Variants in SMG6 observed in about 807,000 individuals in gnomAD.
The protein encoded by SMG6 is telomerase-binding protein EST1A.
A neutral mutation model predicts 142.2 loss-of-function variants in SMG6; 66 were observed. The ratio of observed to expected loss-of-function variants is 0.46; its 90% confidence interval spans 0.38 to 0.57. SMG6 has a LOEUF of 0.57. Ranked by LOEUF, SMG6 falls within the 20% of genes least tolerant of loss-of-function variation. SMG6 has a pLI of 0.00. For synonymous variants in SMG6, 779 were observed against 702.4 expected (o/e 1.11, Z -1.72); for missense variants, 1,793 against 1,832.0 (o/e 0.98, Z 0.39).
At chr17:2,246,404 C>G (rs1254024879) in intron 8 of SMG6, among the ~76,000 whole-genome samples, 1 of 152,202 alleles carries the variant, frequency 6.6e-6, no homozygotes, top group Non-Finnish European at 1.5e-5. Flanking sequence ...AATCCTCTGA[C>G]AAAACAGAAC....
chr17:2,142,232 T>C (rs984693860), intron 13 of SMG6, among the ~76,000 whole-genome samples: 2 of 152,232 alleles, frequency 1.3e-5, no homozygotes, highest in African/African-American at 2.4e-5. Flanking sequence ...ACCAGATTAA[T>C]TGGACTTCGT....
intron 6 of SMG6, among the ~76,000 whole-genome samples, chr17:2,291,300 C>T (rs1428901123): frequency 6.6e-6 from 1 of 151,218 alleles, no homozygotes; most frequent in Admixed American, 6.6e-5. Context: ...CACTGCACTC[C>T]AGCCTGAGCG....
Position 2,290,491 on chromosome 17 carries a change from TA to T in SMG6, c.2337+2060del, listed in dbSNP as rs551943155. Among the ~76,000 whole-genome samples, 85 of 152,262 alleles carry T rather than the reference TA, an allele frequency of 5.6e-4. 1 individual carries two copies. In the South Asian group the frequency reaches 0.017, roughly 31 times the overall value. On this transcript the variant is annotated intron_variant, in intron 6 of 18. Coordinates refer to ENST00000263073, the MANE Select transcript of SMG6 (RefSeq NM_017575.5). Reference sequence around the variant, plus strand: ...GTATTACAGACTTAAATGTAAAACATAAAACTATACAACTGCTAGAAAATAA... The same window carrying T: ...GTATTACAGACTTAAATGTAAAACATAAACTATACAACTGCTAGAAAATAA...
chr17:2,295,599 G>A (rs1347789952), intron 4 of SMG6, among the ~76,000 whole-genome samples: 2 of 152,010 alleles, frequency 1.3e-5, no homozygotes, highest in Non-Finnish European at 2.9e-5. Flanking sequence ...CAGCTCCATT[G>A]CACTTGACAA....
intron 12 of SMG6, among the ~76,000 whole-genome samples, chr17:2,186,089 G>A (rs1388109873): frequency 3.9e-5 from 6 of 151,904 alleles, no homozygotes; most frequent in Non-Finnish European, 7.4e-5. Flanking sequence ...TGAGCCAGGC[G>A]TGGTGGTGTG....
chr17:2,290,388 C>G (rs1476607225), intron 6 of SMG6, among the ~76,000 whole-genome samples: 1 of 152,184 alleles, frequency 6.6e-6, no homozygotes, highest in Non-Finnish European at 1.5e-5. Context: ...ACAAATGGTG[C>G]TAGAACAACT....
At position 2,264,738 on chromosome 17, in the gene SMG6, C is replaced by T. The variant is rs145632251; in HGVS notation, c.2661+17909G>A. On this transcript the variant is annotated intron_variant, in intron 8 of 18. Transcript: ENST00000263073. ...CCCACATGGTGAAACCCCGTCTCTA[C>T]GGAAAATACAAAAATTAGCTGGGCA... 3.0e-4 allele frequency among the ~76,000 whole-genome samples: 45 copies of T among 151,874 alleles called. 1 individual carries two copies. In the East Asian group the frequency reaches 6.6e-3, roughly 22 times the overall value.
At chr17:2,179,785 C>T (rs2071752009) in intron 12 of SMG6, among the ~76,000 whole-genome samples, 1 of 152,176 alleles carries the variant, frequency 6.6e-6, no homozygotes, top group South Asian at 2.1e-4. Flanking sequence ...GAGACTCTGG[C>T]TTGGCACTGG....
At chr17:2,145,601 A>G (rs2070641403) in intron 13 of SMG6, among the ~76,000 whole-genome samples, 2 of 133,652 alleles carry the variant, frequency 1.5e-5, no homozygotes, top group Non-Finnish European at 1.5e-5. Flanking sequence ...AGATCGCGCC[A>G]CTGCACTCCA....
intron 13 of SMG6, among the ~76,000 whole-genome samples, chr17:2,116,727 G>A (rs1039065870): frequency 5.3e-5 from 8 of 151,914 alleles, no homozygotes; most frequent in Admixed American, 3.9e-4. Context: ...CAGCCTGGGC[G>A]GCAGAGCGAG....
chr17:2,092,670 A>C (rs1431766758), intron 13 of SMG6, among the ~76,000 whole-genome samples: 1 of 152,270 alleles, frequency 6.6e-6, no homozygotes, highest in Non-Finnish European at 1.5e-5. Flanking sequence ...CCAGGGGAAC[A>C]GGGGAGTTGT....
chr17:2,164,603 G>T (rs1176947853), intron 13 of SMG6, among the ~76,000 whole-genome samples: 1 of 151,998 alleles, frequency 6.6e-6, no homozygotes, highest in East Asian at 1.9e-4. Context: ...GTAAGAGAGT[G>T]AGACTCCCCG....
intron 13 of SMG6, among the ~76,000 whole-genome samples, chr17:2,115,546 T>C (rs1450856662): frequency 6.6e-6 from 1 of 152,264 alleles, no homozygotes; most frequent in East Asian, 1.9e-4. Flanking sequence ...CCCAAACATA[T>C]ATAATCATCT....
chr17:2,186,529 A>G, intron 12 of SMG6, 134 bp downstream of exon 12: 1 of 1,004,954 alleles, frequency 1.0e-6, no homozygotes, highest in Non-Finnish European at 1.4e-6. Context: ...ATTCAAAAAA[A>G]GTTCAAATAA....
intron 10 of SMG6, among the ~76,000 whole-genome samples, chr17:2,197,741 A>G (rs1337296919): frequency 6.6e-6 from 1 of 152,214 alleles, no homozygotes; most frequent in Admixed American, 6.5e-5. Context: ...GTTCAATATA[A>G]TTAGCCATTA....
At chr17:2,121,849 CTTTT>C (rs1183922020) in intron 13 of SMG6, among the ~76,000 whole-genome samples, 1 of 151,652 alleles carries the variant, frequency 6.6e-6, no homozygotes, top group Non-Finnish European at 1.5e-5. Flanking sequence ...CTTTTCTTTT[CTTTT>C]GAGATAGTCT....
At chr17:2,143,192 G>C (rs991915407) in intron 13 of SMG6, among the ~76,000 whole-genome samples, 10 of 152,170 alleles carry the variant, frequency 6.6e-5, no homozygotes, top group African/African-American at 2.4e-4. Context: ...GTTAAACACA[G>C]TTTACCATAT....
chr17:2,120,033 C>A (rs2069637421), intron 13 of SMG6, among the ~76,000 whole-genome samples: 1 of 152,136 alleles, frequency 6.6e-6, no homozygotes, highest in Non-Finnish European at 1.5e-5. Context: ...GTCTTGAACT[C>A]CTGGCCTCAA....
At position 2,283,719 on chromosome 17, in the gene SMG6, G is replaced by A. The variant is rs760612136; in HGVS notation, c.2354C>T (p.Ala785Val). Residue 785 changes from alanine (A) to valine (V), a missense_variant, in exon 7 of 19, where the codon GCT (alanine) becomes GTT (valine). Physicochemically the swap from Ala to Val is moderately conservative, Grantham distance 64. Coordinates refer to ENST00000263073, the MANE Select transcript of SMG6 (RefSeq NM_017575.5). ...TAAACTGCGCATATAGTAATAGACAGCGTCAAGCTTCCTCCTCTGTGGAAA... is the reference window on the plus strand; with the variant it reads ...TAAACTGCGCATATAGTAATAGACAACGTCAAGCTTCCTCCTCTGTGGAAA... ...LAVYTRRKLD[A>V]VYYYMRSLAA... 5 of 1,613,854 alleles carry A rather than the reference G, an allele frequency of 3.1e-6. No homozygotes were observed. The highest frequency in any genetic ancestry group is 4.2e-6 in the Non-Finnish European group (5 of 1,179,854).
Sources: allele counts gnomAD v4.1 joint callset (sites outside exome capture counted in the v4.1 genomes callset), GRCh38; gene constraint gnomAD v4.1.1; transcripts MANE v1.5; gene names NCBI Gene and HGNC (gene_info 2026-07-23, HGNC 2026-07-21).